Variants in TMEM132D observed in about 807,000 individuals in gnomAD.
TMEM132D encodes mature OL transmembrane protein.
In TMEM132D, 21 loss-of-function variants were observed where a neutral mutation model predicts 62.3. The ratio of observed to expected loss-of-function variants is 0.34; its 90% CI spans 0.24 to 0.49. The LOEUF is 0.49. Among genes scored for constraint, TMEM132D ranks in the 20% least tolerant of loss-of-function variants. TMEM132D has a pLI of 0.99. For missense variants in TMEM132D, 1,346 were observed against 1,402.8 expected, an observed-to-expected ratio of 0.96 and a Z score of 0.65; for synonymous variants, 621 against 575.6, an observed-to-expected ratio of 1.08 and a Z score of -1.13.
intron 5 of TMEM132D, among the ~76,000 whole-genome samples, chr12:129,203,879 A>G (rs1878773170): frequency 6.6e-6 from 1 of 152,234 alleles, no homozygotes; most frequent in South Asian, 2.1e-4. Context: ...CAGAATACTG[A>G]ACAAAAGAAA....
rs530815476 is a variant in TMEM132D at position 129,820,184 on chromosome 12, G to T, written c.79+83077C>A. On this transcript the variant is annotated intron_variant, in intron 1 of 8. Coordinates refer to ENST00000422113, the MANE Select transcript of TMEM132D (RefSeq NM_133448.3). ...CTCAAGCAGCCTGAATCCTTTTCAGGAGTTCTTTTGAAAGACCATCTTGCC... is the reference window on the plus strand; with the variant it reads ...CTCAAGCAGCCTGAATCCTTTTCAGTAGTTCTTTTGAAAGACCATCTTGCC... 1.4e-4 allele frequency among the ~76,000 whole-genome samples: 21 copies of T among 152,042 alleles called. 1 individual carries two copies. In the South Asian group the frequency reaches 1.7e-3, roughly 12 times the overall value.
chr12:129,244,277 T>A (rs1490405837), intron 4 of TMEM132D, among the ~76,000 whole-genome samples: 2 of 150,486 alleles, frequency 1.3e-5, no homozygotes, highest in Non-Finnish European at 3.0e-5. Context: ...TCCCAGCTAC[T>A]CGGGAGGCTG....
intron 5 of TMEM132D, among the ~76,000 whole-genome samples, chr12:129,178,670 G>A (rs1877977432): frequency 6.6e-6 from 1 of 152,216 alleles, no homozygotes; most frequent in African/African-American, 2.4e-5. Flanking sequence ...GGGGGCAGTA[G>A]AAATTACTGC....
chr12:129,132,936 C>T (rs973810063), intron 5 of TMEM132D, among the ~76,000 whole-genome samples: 2 of 152,118 alleles, frequency 1.3e-5, no homozygotes, highest in Non-Finnish European at 2.9e-5. Flanking sequence ...GTTGCCGTCA[C>T]GTTGGATTTG....
chr12:129,826,406 G>C (rs1436654223), intron 1 of TMEM132D, among the ~76,000 whole-genome samples: 1 of 152,184 alleles, frequency 6.6e-6, no homozygotes, highest in African/African-American at 2.4e-5. Context: ...GAGACAGGGA[G>C]AAACAGCCCA....
In TMEM132D at chr12:129,071,774, A is replaced by G. The variant is rs564232581; in HGVS notation, c.*2101T>C. The stretch of plus-strand genomic sequence containing the variant: ...TTACAGTCAGTAAGTTTATAAATAT[A>G]TATTACATTCTTACAATCTACAGTA... On this transcript the variant is annotated 3_prime_UTR_variant, in exon 9 of 9. Transcript: ENST00000422113. 1.2e-4 allele frequency: 19 copies of G among 152,380 alleles called. No homozygotes were observed. Among genetic ancestry groups the G allele is most frequent in the East Asian group, 9.6e-4 (5 of 5,192 alleles). The allele number at this position is 152,380 out of a possible 1,614,324, so 9.4% of individuals were successfully genotyped here. A position where few individuals can be genotyped will look rare whatever the true frequency, so the allele number is the denominator to read the frequency against.
intron 3 of TMEM132D, among the ~76,000 whole-genome samples, chr12:129,455,384 T>C (rs1372337608): frequency 6.6e-6 from 1 of 152,226 alleles, no homozygotes; most frequent in Non-Finnish European, 1.5e-5. Context: ...ATAGCATTTA[T>C]CTTATATCGT....
chr12:129,499,537 C>T (rs2137066024), intron 3 of TMEM132D, among the ~76,000 whole-genome samples: 1 of 152,320 alleles, frequency 6.6e-6, no homozygotes. Flanking sequence ...TTTTGACACC[C>T]TTTCCCCCAT....
chr12:129,901,269 A>G (rs1411776846), intron 1 of TMEM132D, among the ~76,000 whole-genome samples: 1 of 152,198 alleles, frequency 6.6e-6, no homozygotes, highest in African/African-American at 2.4e-5. Context: ...TGATCAGAGA[A>G]TCTTAGAGGG....
chr12:129,820,332 G>A (rs1477887612), intron 1 of TMEM132D, among the ~76,000 whole-genome samples: 1 of 152,196 alleles, frequency 6.6e-6, no homozygotes, highest in Non-Finnish European at 1.5e-5. Flanking sequence ...GTGTGACAAT[G>A]GGGGCCATCA....
intron 1 of TMEM132D, among the ~76,000 whole-genome samples, chr12:129,818,847 C>G (rs1444983450): frequency 6.6e-6 from 1 of 151,824 alleles, no homozygotes; most frequent in Non-Finnish European, 1.5e-5. Context: ...TCAGCCTGGG[C>G]AACATAGCGA....
chr12:129,618,102 A>G (rs1878970686), intron 2 of TMEM132D, among the ~76,000 whole-genome samples: 1 of 152,164 alleles, frequency 6.6e-6, no homozygotes, highest in Non-Finnish European at 1.5e-5. Flanking sequence ...CCTGCTAAAC[A>G]CAGAGCCTGG....
chr12:129,522,112 T>C (rs1215211411), intron 3 of TMEM132D, among the ~76,000 whole-genome samples: 2 of 152,190 alleles, frequency 1.3e-5, no homozygotes, highest in Non-Finnish European at 2.9e-5. Flanking sequence ...CTCTAACTGA[T>C]GTCAGTTAGT....
At chr12:129,233,136 C>A (rs1417315111) in intron 4 of TMEM132D, among the ~76,000 whole-genome samples, 1 of 152,120 alleles carries the variant, frequency 6.6e-6, no homozygotes, top group Non-Finnish European at 1.5e-5. Context: ...TAAGTAAATG[C>A]ATATTTATTT....
chr12:129,194,599 C>CA (rs1319745301), intron 5 of TMEM132D, among the ~76,000 whole-genome samples: 1 of 152,148 alleles, frequency 6.6e-6, no homozygotes, highest in Non-Finnish European at 1.5e-5. Context: ...CGTGTACCCC[C>CA]AAACCTAAAA....
intron 1 of TMEM132D, among the ~76,000 whole-genome samples, chr12:129,889,420 G>A (rs1874851729): frequency 6.6e-6 from 1 of 152,080 alleles, no homozygotes; most frequent in Non-Finnish European, 1.5e-5. Context: ...CAGTTGTGCT[G>A]ACCTGGACTC....
chr12:129,654,433 A>G (rs1313768804), intron 2 of TMEM132D, among the ~76,000 whole-genome samples: 3 of 152,160 alleles, frequency 2.0e-5, no homozygotes, highest in Admixed American at 6.6e-5. Context: ...GATGTACCGT[A>G]TAACTCTTAT....
At chr12:129,206,817 C>T (rs1304870189) in intron 5 of TMEM132D, among the ~76,000 whole-genome samples, 1 of 152,096 alleles carries the variant, frequency 6.6e-6, no homozygotes, top group Non-Finnish European at 1.5e-5. Context: ...ATGGATGGAG[C>T]TAGAGGCCAT....
At chr12:129,263,113 T>TGGAA (rs1880595505) in intron 4 of TMEM132D, among the ~76,000 whole-genome samples, 1 of 152,126 alleles carries the variant, frequency 6.6e-6, no homozygotes, top group African/African-American at 2.4e-5. Context: ...AGGCCAGAGC[T>TGGAA]CCCCTCCAGT....
Sources: gnomAD v4.1 joint callset for allele counts (sites outside exome capture counted in the v4.1 genomes callset) on GRCh38, gnomAD v4.1.1 for gene constraint, MANE v1.5 for transcripts, NCBI Gene and HGNC (gene_info 2026-07-23, HGNC 2026-07-21) for gene names.